The following NEK7 variants were observed in gnomAD, a reference collection of about 807,000 sequenced individuals.
NEK7 encodes NIMA related kinase 7.
In NEK7, 18 loss-of-function variants were observed where a neutral mutation model predicts 44.6. The observed-to-expected ratio is 0.40, with a 90% CI of 0.28 to 0.60. The LOEUF is 0.60. Ranked by LOEUF, NEK7 falls within the 20% of genes least tolerant of loss-of-function variation. The pLI is 0.38. For synonymous variants in NEK7, 130 were observed against 121.1 expected (o/e 1.07, Z -0.48); for missense variants, 256 against 366.5 (o/e 0.70, Z 2.46).
chr1:198,209,525 A>C (rs1454171728), intron 1 of NEK7, among the ~76,000 whole-genome samples: 1 of 152,220 alleles, frequency 6.6e-6, no homozygotes, highest in East Asian at 1.9e-4. Context: ...AATTTTGATA[A>C]TGATAAGAAT....
intron 1 of NEK7, among the ~76,000 whole-genome samples, chr1:198,224,337 A>G (rs1030997767): frequency 1.3e-5 from 2 of 152,336 alleles, no homozygotes; most frequent in East Asian, 3.9e-4. Flanking sequence ...TATTCAGTAT[A>G]ATAACATGCT....
chr1:198,305,301 T>C (rs1035009354), intron 9 of NEK7, among the ~76,000 whole-genome samples: 1 of 152,182 alleles, frequency 6.6e-6, no homozygotes, highest in Non-Finnish European at 1.5e-5. Flanking sequence ...CTTAATGTTA[T>C]TGTCTGATCA....
intron 2 of NEK7, among the ~76,000 whole-genome samples, chr1:198,242,401 C>CT (rs111872515): frequency 0.04 from 5,345 of 134,146 alleles, 307 homozygotes; most frequent in African/African-American, 0.12. Context: ...CTTTCTTTTT[C>CT]TTTTTTTTTT....
At chr1:198,296,710 T>C (rs1481623517) in intron 8 of NEK7, among the ~76,000 whole-genome samples, 1 of 152,214 alleles carries the variant, frequency 6.6e-6, no homozygotes, top group Non-Finnish European at 1.5e-5. Flanking sequence ...TATGCTAGAT[T>C]ATAATTCAGT....
intron 5 of NEK7, among the ~76,000 whole-genome samples, chr1:198,275,877 G>A (rs1654003730): frequency 6.6e-6 from 1 of 151,016 alleles, no homozygotes; most frequent in African/African-American, 2.4e-5. Context: ...CTATACTTAA[G>A]GAATGGTTTA....
At chr1:198,226,278 C>T (rs1391131736) in intron 1 of NEK7, among the ~76,000 whole-genome samples, 1 of 152,126 alleles carries the variant, frequency 6.6e-6, no homozygotes, top group South Asian at 2.1e-4. Context: ...GGCGTGATGG[C>T]TCACCCCTGT....
Position 198,184,549 on chromosome 1 carries a change from T to G in NEK7, c.-29+27273T>G, listed in dbSNP as rs542407708. ...GACTGATGTTTGATTTAATAATTCTTAAATGAAATTGATTTGTGTTTAAGG... is the reference window on the plus strand; with the variant it reads ...GACTGATGTTTGATTTAATAATTCTGAAATGAAATTGATTTGTGTTTAAGG... On this transcript the variant is annotated intron_variant, in intron 1 of 9. Transcript: ENST00000367385. Among the ~76,000 whole-genome samples the G allele has an allele frequency of 4.6e-5, 7 of 152,320 alleles. No individual in the cohort carries two copies. The South Asian group carries it at 1.4e-3, about 32-fold the overall frequency.
At chr1:198,187,037 A>G (rs1664944796) in intron 1 of NEK7, among the ~76,000 whole-genome samples, 1 of 152,190 alleles carries the variant, frequency 6.6e-6, no homozygotes, top group African/African-American at 2.4e-5. Flanking sequence ...ACCTGCTGAT[A>G]TTCCAGAGTT....
chr1:198,208,212 C>A (rs1665654404), intron 1 of NEK7, among the ~76,000 whole-genome samples: 1 of 152,106 alleles, frequency 6.6e-6, no homozygotes, highest in South Asian at 2.1e-4. Context: ...GGCTGTTTTT[C>A]ATGATGTATT....
intron 2 of NEK7, among the ~76,000 whole-genome samples, chr1:198,243,922 C>T (rs1001680956): frequency 1.3e-5 from 2 of 150,848 alleles, no homozygotes; most frequent in Non-Finnish European, 3.0e-5. Context: ...TTTTGGTTTC[C>T]AGTGAAGTCT....
Position 198,297,107 on chromosome 1 carries a change from T to G in NEK7, c.685-20T>G. 6.7e-7 allele frequency: 1 copy of G among 1,498,602 alleles called. No individual in the cohort carries two copies. The highest frequency in any genetic ancestry group is 9.3e-7 in the Non-Finnish European group (1 of 1,076,450). The allele number at this position is 1,498,602 out of a possible 1,614,324, so 92.8% of individuals were successfully genotyped here. A position where few individuals can be genotyped will look rare whatever the true frequency, so the allele number is the denominator to read the frequency against. ...AAGTTACCATCTAACTATATCAGTT[T>G]CATTGGGGGCATTTTACAGATGGCT... On this transcript the variant is annotated intron_variant, in intron 8 of 9. Transcript: ENST00000367385.
At chr1:198,219,821 TC>T (rs1468707989) in intron 1 of NEK7, among the ~76,000 whole-genome samples, 10 of 152,034 alleles carry the variant, frequency 6.6e-5, no homozygotes, top group Non-Finnish European at 1.2e-4. Context: ...TATCTGCATG[TC>T]CCATTACTGG....
intron 1 of NEK7, among the ~76,000 whole-genome samples, chr1:198,215,065 G>A (rs1374115661): frequency 1.3e-5 from 2 of 152,090 alleles, no homozygotes; most frequent in African/African-American, 2.4e-5. Context: ...CAAGAATTTT[G>A]TATTGAGCAA....
chr1:198,228,497 T>C (rs1666293329), intron 1 of NEK7, among the ~76,000 whole-genome samples: 1 of 151,466 alleles, frequency 6.6e-6, no homozygotes, highest in South Asian at 2.1e-4. Context: ...TTCCTACCCA[T>C]GAGCATGGAA....
chr1:198,250,694 T>C (rs1242307282), intron 2 of NEK7, among the ~76,000 whole-genome samples: 1 of 144,086 alleles, frequency 6.9e-6, no homozygotes, highest in African/African-American at 2.6e-5. Context: ...CTGTTATTGG[T>C]GTATAAGAAT....
Position 198,198,215 on chromosome 1 carries a change from C to T in NEK7, c.-28-34338C>T. On this transcript the variant is annotated intron_variant, in intron 1 of 9. Coordinates refer to ENST00000367385, the MANE Select transcript of NEK7 (RefSeq NM_133494.3). ...GAGGTGTGTCCTCCAGCCTTTCCAC[C>T]ACCGCCTGGGCTTGATGCATTCTCC... 10 of 702,776 alleles carry T rather than the reference C, an allele frequency of 1.4e-5. 1 individual carries two copies. Among genetic ancestry groups the T allele is most frequent in the Non-Finnish European group, 2.4e-5 (9 of 376,356 alleles). 43.5% of individuals were successfully genotyped at this position (702,776 alleles called of 1,614,324 possible).
At chr1:198,175,452 G>A (rs1305399556) in intron 1 of NEK7, among the ~76,000 whole-genome samples, 5 of 152,048 alleles carry the variant, frequency 3.3e-5, no homozygotes, top group South Asian at 2.1e-4. Flanking sequence ...TATCAACTTC[G>A]TTATGATAAA....
intron 9 of NEK7, 46 bp from the exon 10 acceptor site, chr1:198,319,366 A>G (rs533093170): frequency 3.6e-6 from 5 of 1,398,338 alleles, no homozygotes; most frequent in African/African-American, 1.4e-5. Context: ...AAACTAACCA[A>G]AAATAGTTGT....
At chr1:198,226,548 A>G (rs563542079) in intron 1 of NEK7, among the ~76,000 whole-genome samples, 1 of 152,068 alleles carries the variant, frequency 6.6e-6, no homozygotes, top group East Asian at 1.9e-4. Context: ...GCGTCTCAAA[A>G]AAAAAAAAAC....
Sources: allele counts gnomAD v4.1 joint callset (sites outside exome capture counted in the v4.1 genomes callset), GRCh38; gene constraint gnomAD v4.1.1; transcripts MANE v1.5; gene names NCBI Gene and HGNC (gene_info 2026-07-23, HGNC 2026-07-21).